The following CNTN4 variants were observed in gnomAD, a reference collection of about 807,000 sequenced individuals.
CNTN4 encodes contactin-4.
Under a neutral mutation model 122.5 loss-of-function variants are expected in CNTN4, and 77 were observed. The ratio of observed to expected loss-of-function variants is 0.63; its 90% CI spans 0.52 to 0.76. The LOEUF (loss-of-function observed/expected upper bound fraction) is 0.76. Ranked by LOEUF, CNTN4 falls within the 30% of genes least tolerant of loss-of-function variation. CNTN4 has a pLI of 0.00. For missense variants in CNTN4, 1,256 were observed against 1,259.1 expected (o/e 1.00, Z 0.04); for synonymous variants, 512 against 447.0 (o/e 1.15, Z -1.83).
intron 6 of CNTN4, among the ~76,000 whole-genome samples, chr3:2,808,428 G>C (rs1483548466): frequency 6.6e-6 from 1 of 151,888 alleles, no homozygotes; most frequent in Non-Finnish European, 1.5e-5. Flanking sequence ...TTTCATTGGG[G>C]AGAAAAAAAG....
chr3:2,294,679 T>A (rs552686532), intron 2 of CNTN4, among the ~76,000 whole-genome samples: 1 of 151,458 alleles, frequency 6.6e-6, no homozygotes, highest in Non-Finnish European at 1.5e-5. Context: ...TTCTTTCTTT[T>A]TTTAATTATT....
chr3:2,993,391 G>C (rs143124008), intron 14 of CNTN4, among the ~76,000 whole-genome samples: 1 of 149,624 alleles, frequency 6.7e-6, no homozygotes, highest in African/African-American at 2.5e-5. Context: ...TTTGCCTCCC[G>C]GGCTCAAGCG....
intron 2 of CNTN4, among the ~76,000 whole-genome samples, chr3:2,131,627 A>G (rs2034455596): frequency 6.6e-6 from 1 of 152,218 alleles, no homozygotes; most frequent in Non-Finnish European, 1.5e-5. Context: ...GATGTGATTC[A>G]CGTGAGACAG....
chr3:2,902,782 C>A, intron 11 of CNTN4, 94 bp from the exon 12 acceptor site: 2 of 1,333,560 alleles, frequency 1.5e-6, no homozygotes, highest in Admixed American at 2.0e-5. Flanking sequence ...TGTTTTCTTC[C>A]CATTAAGCTT....
At chr3:2,862,053 C>G (rs2093676807) in intron 7 of CNTN4, among the ~76,000 whole-genome samples, 1 of 152,188 alleles carries the variant, frequency 6.6e-6, no homozygotes, top group African/African-American at 2.4e-5. Context: ...ATGATCCACT[C>G]ATACAGTTTC....
At chr3:2,744,699 C>T (rs2089659706) in intron 5 of CNTN4, among the ~76,000 whole-genome samples, 1 of 152,202 alleles carries the variant, frequency 6.6e-6, no homozygotes, top group African/African-American at 2.4e-5. Flanking sequence ...AGCTCTCACT[C>T]TTTGGAATGG....
intron 6 of CNTN4, among the ~76,000 whole-genome samples, chr3:2,748,636 C>G (rs972742102): frequency 6.6e-6 from 1 of 152,162 alleles, no homozygotes; most frequent in African/African-American, 2.4e-5. Flanking sequence ...ATACTATAAT[C>G]GAACTCCAAT....
rs2088446942 is a variant in CNTN4 at position 2,729,084 on chromosome 3, T to TAA, written c.56-7131_56-7130insAA. 1.3e-5 allele frequency among the ~76,000 whole-genome samples: 2 copies of TAA among 152,208 alleles called. 1 individual carries two copies. Among genetic ancestry groups the TAA allele is most frequent in the Admixed American group, 1.3e-4 (2 of 15,286 alleles). ...ATGAAATCATAATATTGCATTTTTGTTCTTTCCCAACAGAGTCAGTTGAAT... is the reference window on the plus strand; with the variant it reads ...ATGAAATCATAATATTGCATTTTTGTAATCTTTCCCAACAGAGTCAGTTGAAT... On this transcript the variant is annotated intron_variant, in intron 4 of 24. Transcript: ENST00000418658.
chr3:2,962,559 G>T (rs1183278222), intron 13 of CNTN4, among the ~76,000 whole-genome samples: 1 of 152,234 alleles, frequency 6.6e-6, no homozygotes, highest in Non-Finnish European at 1.5e-5. Flanking sequence ...TAGGAAACAG[G>T]AAAGGCAGAA....
intron 3 of CNTN4, among the ~76,000 whole-genome samples, chr3:2,466,970 C>CTTTCTTTTTTTTTTTTTT (rs1392656721): frequency 4.3e-5 from 5 of 115,812 alleles, no homozygotes; most frequent in African/African-American, 1.7e-4. Context: ...TTCTTTCTTT[C>CTTTCTTTTTTTTTTTTTT]TTTTTTTTTT....
intron 3 of CNTN4, among the ~76,000 whole-genome samples, chr3:2,386,458 C>G (rs771986903): frequency 3.9e-5 from 6 of 152,188 alleles, no homozygotes; most frequent in Non-Finnish European, 7.3e-5. Flanking sequence ...TCCTAGAATG[C>G]CAATAGCTGG....
intron 2 of CNTN4, among the ~76,000 whole-genome samples, chr3:2,337,591 A>G (rs2044007178): frequency 6.6e-6 from 1 of 152,152 alleles, no homozygotes; most frequent in African/African-American, 2.4e-5. Context: ...TCAAGATCAC[A>G]TGATTAGTAA....
At chr3:2,347,175 T>G (rs1329578239) in intron 3 of CNTN4, among the ~76,000 whole-genome samples, 8 of 152,176 alleles carry the variant, frequency 5.3e-5, no homozygotes, top group Non-Finnish European at 1.2e-4. Context: ...TGTCATGGAT[T>G]AAAACAAGAA....
At chr3:2,473,870 G>A (rs909981907) in intron 3 of CNTN4, among the ~76,000 whole-genome samples, 1 of 152,078 alleles carries the variant, frequency 6.6e-6, no homozygotes, top group Admixed American at 6.5e-5. Flanking sequence ...AAATTAGCCA[G>A]GTGTGGTGGT....
chr3:2,629,595 A>G (rs1408395949), intron 4 of CNTN4: 1 of 447,848 alleles, frequency 2.2e-6, no homozygotes, highest in African/African-American at 2.0e-5. Context: ...TTGACTTTAT[A>G]AGAAAATAGA....
At chr3:2,417,432 T>C (rs1488159375) in intron 3 of CNTN4, among the ~76,000 whole-genome samples, 5 of 152,224 alleles carry the variant, frequency 3.3e-5, no homozygotes, top group Non-Finnish European at 1.5e-5. Context: ...ATACTGAGTT[T>C]GCACTGAGCT....
At chr3:2,220,115 A>T (rs940603795) in intron 2 of CNTN4, among the ~76,000 whole-genome samples, 3 of 152,016 alleles carry the variant, frequency 2.0e-5, no homozygotes, top group African/African-American at 7.2e-5. Flanking sequence ...CTCTCTTGTC[A>T]TGTTCTTTTA....
At chr3:2,850,042 T>C (rs1039298602) in intron 7 of CNTN4, among the ~76,000 whole-genome samples, 1 of 148,752 alleles carries the variant, frequency 6.7e-6, no homozygotes, top group Non-Finnish European at 1.5e-5. Flanking sequence ...CAGACTGGAG[T>C]GCAGTGGTGC....
intron 3 of CNTN4, among the ~76,000 whole-genome samples, chr3:2,521,267 G>A (rs2077202189): frequency 6.6e-6 from 1 of 152,014 alleles, no homozygotes; most frequent in East Asian, 1.9e-4. Context: ...ATAGGATTTT[G>A]TAATCAGGCC....
Sources: allele counts gnomAD v4.1 joint callset (sites outside exome capture counted in the v4.1 genomes callset), GRCh38; gene constraint gnomAD v4.1.1; transcripts MANE v1.5; gene names NCBI Gene and HGNC (gene_info 2026-07-23, HGNC 2026-07-21).